The following ANO6 variants were observed in gnomAD, a reference collection of about 807,000 sequenced individuals.
ANO6 encodes the protein anoctamin-6.
Under a neutral mutation model 117.5 loss-of-function variants are expected in ANO6, and 106 were observed. The ratio of observed to expected loss-of-function variants is 0.90; its 90% CI spans 0.77 to 1.06. The LOEUF (loss-of-function observed/expected upper bound fraction) is 1.06. ANO6 is among the 50% of genes least tolerant of loss of function. The pLI is 0.00. For synonymous variants in ANO6, 367 were observed against 385.1 expected, an observed-to-expected ratio of 0.95 and a Z score of 0.55; for missense variants, 955 against 1,121.1, an observed-to-expected ratio of 0.85 and a Z score of 2.12.
chr12:45,348,201 C>T lies in ANO6; in HGVS notation c.519C>T (p.Ser173=), dbSNP rs760399492. The T allele has an allele frequency of 6.2e-7, 1 of 1,613,924 alleles. No homozygotes were observed. Among genetic ancestry groups the T allele is most frequent in the Non-Finnish European group, 8.5e-7 (1 of 1,179,982 alleles). The change falls in exon 5 of 20, where the codon AGC becomes AGT. Residue 173 remains serine (S), a synonymous_variant. Transcript: ENST00000320560. ...CCAAAGTCCTCAGTGTAGACGAAAG[C>T]ATCATCAAGCCAGAGCAAGAGTTTT... ...WFTKVLSVDE[S]IIKPEQEFFT... is the part of the protein sequence containing the mutation.
chr12:45,221,057 A>AG (rs1163226341), intron 1 of ANO6, among the ~76,000 whole-genome samples: 1 of 138,562 alleles, frequency 7.2e-6, no homozygotes, highest in African/African-American at 3.1e-5. Context: ...TGGTGTCGGA[A>AG]GTGGGGGGGG....
chr12:45,256,123 C>T (rs1937818247), intron 1 of ANO6, among the ~76,000 whole-genome samples: 1 of 152,134 alleles, frequency 6.6e-6, no homozygotes, highest in African/African-American at 2.4e-5. Flanking sequence ...TGCATCCAGC[C>T]TCTCCCTATG....
chr12:45,301,132 A>G (rs1939470517), intron 1 of ANO6, among the ~76,000 whole-genome samples: 1 of 152,126 alleles, frequency 6.6e-6, no homozygotes, highest in Non-Finnish European at 1.5e-5. Flanking sequence ...AACACAAAAG[A>G]GGTAAAATAT....
chr12:45,371,002 C>G (rs61349051), intron 9 of ANO6, among the ~76,000 whole-genome samples: 4 of 152,110 alleles, frequency 2.6e-5, no homozygotes, highest in African/African-American at 9.7e-5. Flanking sequence ...AGTGGGTGCA[C>G]GCACCGTGCG....
chr12:45,286,673 A>G (rs1478627555), intron 1 of ANO6, among the ~76,000 whole-genome samples: 2 of 152,240 alleles, frequency 1.3e-5, no homozygotes, highest in African/African-American at 2.4e-5. Context: ...AATGAAAAGA[A>G]CTTCAGGCAG....
chr12:45,291,760 AC>A (rs1263518480), intron 1 of ANO6, among the ~76,000 whole-genome samples: 3 of 152,152 alleles, frequency 2.0e-5, no homozygotes, highest in African/African-American at 7.2e-5. Context: ...ATACCACTTT[AC>A]ACCTACCGGG....
chr12:45,240,120 G>C (rs1947714762), intron 1 of ANO6, among the ~76,000 whole-genome samples: 1 of 152,004 alleles, frequency 6.6e-6, no homozygotes, highest in East Asian at 1.9e-4. Flanking sequence ...ATTGACAGTG[G>C]GGTGTTAAAG....
intron 16 of ANO6, among the ~76,000 whole-genome samples, chr12:45,409,818 C>T (rs543739829): frequency 1.3e-5 from 2 of 152,098 alleles, no homozygotes; most frequent in Non-Finnish European, 2.9e-5. Context: ...TGTGGTGGTA[C>T]AATCGTGGCT....
Position 45,403,611 on chromosome 12 carries a change from A to G in ANO6, c.1880+75A>G, listed in dbSNP as rs113716635. On this transcript the variant is annotated intron_variant, in intron 15 of 19. Transcript: ENST00000320560. Reference sequence around the variant, plus strand: ...GCCCATCCACACAAATCATTTGCCTACATAGCCACATAGCCACATAGCTGC... The same window carrying G: ...GCCCATCCACACAAATCATTTGCCTGCATAGCCACATAGCCACATAGCTGC... 35 of 806,050 alleles carry G rather than the reference A, an allele frequency of 4.3e-5. No homozygotes were observed. In the African/African-American group the frequency reaches 6.4e-4, roughly 15 times the overall value. 49.9% of individuals were successfully genotyped at this position (806,050 alleles called of 1,614,324 possible).
intron 2 of ANO6, among the ~76,000 whole-genome samples, chr12:45,303,197 T>A (rs953021424): frequency 3.3e-5 from 5 of 152,226 alleles, no homozygotes. Flanking sequence ...GAAAATCACC[T>A]GGATATAATA....
intron 1 of ANO6, among the ~76,000 whole-genome samples, chr12:45,219,397 G>A (rs573354200): frequency 1.7e-4 from 26 of 152,086 alleles, no homozygotes; most frequent in Middle Eastern, 3.4e-3. Flanking sequence ...GTGCAGTGAC[G>A]CAGTCACAGC....
At chr12:45,396,615 T>C (rs535393966) in intron 12 of ANO6, among the ~76,000 whole-genome samples, 2 of 152,314 alleles carry the variant, frequency 1.3e-5, no homozygotes, top group East Asian at 3.9e-4. Flanking sequence ...CAAAACAGCA[T>C]GGTACTGGTA....
chr12:45,363,898 A>T (rs1423010201), intron 8 of ANO6, among the ~76,000 whole-genome samples: 1 of 152,184 alleles, frequency 6.6e-6, no homozygotes, highest in Non-Finnish European at 1.5e-5. Flanking sequence ...TGGAACTGTG[A>T]GTCCATTAAA....
At chr12:45,224,209 T>C (rs1405234624) in intron 1 of ANO6, among the ~76,000 whole-genome samples, 2 of 152,122 alleles carry the variant, frequency 1.3e-5, no homozygotes, top group African/African-American at 2.4e-5. Flanking sequence ...GACAGCTCTA[T>C]TGGGGCAGCA....
intron 7 of ANO6, among the ~76,000 whole-genome samples, chr12:45,356,994 A>G (rs1443322127): frequency 6.6e-6 from 1 of 152,232 alleles, no homozygotes; most frequent in Non-Finnish European, 1.5e-5. Context: ...TTTACAAAGA[A>G]TGATAGTAAT....
At chr12:45,423,344 T>C (rs1943414828) in intron 19 of ANO6, among the ~76,000 whole-genome samples, 3 of 152,198 alleles carry the variant, frequency 2.0e-5, no homozygotes, top group Non-Finnish European at 4.4e-5. Context: ...TGTTGGGCTA[T>C]GAAAGGGCTT....
chr12:45,291,908 C>T (rs1457860560), intron 1 of ANO6, among the ~76,000 whole-genome samples: 1 of 151,982 alleles, frequency 6.6e-6, no homozygotes, highest in Non-Finnish European at 1.5e-5. Flanking sequence ...AACAATTTGG[C>T]AATTCCTTAA....
At chr12:45,313,441 T>C (rs192348171) in intron 2 of ANO6, 4 of 152,188 alleles carry the variant, frequency 2.6e-5, no homozygotes, top group Admixed American at 2.6e-4. Flanking sequence ...TAAAATGATG[T>C]TCATAATAAT....
intron 1 of ANO6, among the ~76,000 whole-genome samples, chr12:45,228,827 C>T (rs1947529187): frequency 6.6e-6 from 1 of 152,176 alleles, no homozygotes; most frequent in Admixed American, 6.5e-5. Context: ...GTTGTGTATG[C>T]AGGCAGCATC....
Sources: gnomAD v4.1 joint callset for allele counts (sites outside exome capture counted in the v4.1 genomes callset) on GRCh38, gnomAD v4.1.1 for gene constraint, MANE v1.5 for transcripts, NCBI Gene and HGNC (gene_info 2026-07-23, HGNC 2026-07-21) for gene names.